Variants in DLG2 observed in about 807,000 individuals in gnomAD.
DLG2 encodes discs large MAGUK scaffold protein 2.
A neutral mutation model predicts 132.5 loss-of-function variants in DLG2; 45 were observed. The ratio of observed to expected loss-of-function variants is 0.34; its 90% CI spans 0.27 to 0.44. The LOEUF (loss-of-function observed/expected upper bound fraction) is 0.44, where lower values mean the gene tolerates loss of function less well. DLG2 is among the 20% of genes least tolerant of loss of function. The pLI, the probability that DLG2 is intolerant of heterozygous loss-of-function variation, is 1.00. For synonymous variants in DLG2, 424 were observed against 419.6 expected (o/e 1.01, Z -0.13); for missense variants, 1,045 against 1,196.9 (o/e 0.87, Z 1.87).
chr11:85,574,177 A>G (rs949036433), intron 3 of DLG2, among the ~76,000 whole-genome samples: 1 of 152,040 alleles, frequency 6.6e-6, no homozygotes, highest in East Asian at 1.9e-4. Flanking sequence ...TTTAATAAAA[A>G]TTTTTCATAT....
chr11:83,671,051 C>G (rs1292083333), intron 18 of DLG2, among the ~76,000 whole-genome samples: 1 of 151,860 alleles, frequency 6.6e-6, no homozygotes, highest in African/African-American at 2.4e-5. Context: ...TTCAAATAAC[C>G]CTAATTTAAT....
At chr11:85,103,789 C>G (rs917939167) in intron 6 of DLG2, among the ~76,000 whole-genome samples, 4 of 151,922 alleles carry the variant, frequency 2.6e-5, no homozygotes, top group Non-Finnish European at 5.9e-5. Context: ...AGATAACCCA[C>G]AGAACAGGAG....
intron 6 of DLG2, among the ~76,000 whole-genome samples, chr11:84,801,903 C>A (rs1346673635): frequency 6.6e-6 from 1 of 152,068 alleles, no homozygotes; most frequent in Non-Finnish European, 1.5e-5. Flanking sequence ...AAGAATTTCC[C>A]ACGTTCTTTG....
chr11:85,081,245 A>G (rs1475098799), intron 6 of DLG2, among the ~76,000 whole-genome samples: 2 of 152,202 alleles, frequency 1.3e-5, no homozygotes, highest in Non-Finnish European at 2.9e-5. Context: ...ACATGGGAAT[A>G]GTGTGTCCGG....
intron 15 of DLG2, among the ~76,000 whole-genome samples, chr11:83,896,622 A>C (rs1017284543): frequency 6.6e-6 from 1 of 152,230 alleles, no homozygotes; most frequent in Non-Finnish European, 1.5e-5. Flanking sequence ...TATTAAAAAT[A>C]CAGAGGTTAA....
chr11:84,416,845 C>A (rs921295672), intron 7 of DLG2, among the ~76,000 whole-genome samples: 4 of 152,158 alleles, frequency 2.6e-5, no homozygotes, highest in Non-Finnish European at 5.9e-5. Context: ...ACTTCATAAC[C>A]ATTACAGTAA....
intron 7 of DLG2, among the ~76,000 whole-genome samples, chr11:84,479,117 T>C (rs902434839): frequency 1.3e-5 from 2 of 152,068 alleles, no homozygotes; most frequent in Non-Finnish European, 2.9e-5. Flanking sequence ...TTAATAATGA[T>C]GACATATATT....
chr11:83,999,850 T>C (rs1290805619), intron 11 of DLG2, among the ~76,000 whole-genome samples: 2 of 151,808 alleles, frequency 1.3e-5, no homozygotes, highest in Admixed American at 1.3e-4. Context: ...ACACCATAGA[T>C]ACATCTTCAG....
intron 4 of DLG2, among the ~76,000 whole-genome samples, chr11:85,208,324 G>A (rs1449272144): frequency 6.6e-6 from 1 of 152,012 alleles, no homozygotes; most frequent in Admixed American, 6.5e-5. Context: ...AGGATAGCAT[G>A]TCCTCATGAG....
rs555955567 is a variant in DLG2 at position 84,558,043 on chromosome 11, C to T, written c.358-23312G>A. Among the ~76,000 whole-genome samples the T allele has an allele frequency of 3.0e-3, 453 of 152,100 alleles. 1 individual carries two copies. Among genetic ancestry groups the T allele is most frequent in the African/African-American group, 9.5e-3 (395 of 41,496 alleles). ...ATATATCAGATTTGGAAAATCTCAT[C>T]GACAGGATTTATAGATACATTATAT... is the stretch of plus-strand genomic sequence containing the variant. On this transcript the variant is annotated intron_variant, in intron 6 of 27. Transcript: ENST00000376104.
At chr11:83,590,403 C>T (rs11533266) in intron 19 of DLG2, among the ~76,000 whole-genome samples, 6,679 of 152,086 alleles carry the variant, frequency 0.044, 179 homozygotes, top group South Asian at 0.12. Flanking sequence ...GGATACATAA[C>T]GAAATGAAGG....
intron 11 of DLG2, among the ~76,000 whole-genome samples, chr11:84,006,137 T>C (rs776002250): frequency 6.6e-6 from 1 of 151,818 alleles, no homozygotes; most frequent in South Asian, 2.1e-4. Context: ...AACAGAATAT[T>C]ATTTGGCTGT....
chr11:84,065,007 G>C (rs913148402), intron 10 of DLG2, among the ~76,000 whole-genome samples: 2 of 152,126 alleles, frequency 1.3e-5, no homozygotes, highest in Non-Finnish European at 2.9e-5. Context: ...GAGATAACTG[G>C]ACAGTCATAT....
intron 8 of DLG2, among the ~76,000 whole-genome samples, chr11:84,205,693 T>A (rs115066972): frequency 1.4e-4 from 21 of 152,238 alleles, no homozygotes; most frequent in African/African-American, 4.8e-4. Context: ...TGGACTCAGC[T>A]AAAGTGGTGC....
At chr11:85,463,410 G>T (rs1392203539) in intron 3 of DLG2, among the ~76,000 whole-genome samples, 1 of 152,124 alleles carries the variant, frequency 6.6e-6, no homozygotes, top group African/African-American at 2.4e-5. Flanking sequence ...ATTCACAATA[G>T]GTTAGTACAC....
intron 3 of DLG2, among the ~76,000 whole-genome samples, chr11:85,429,025 T>C (rs2090981153): frequency 6.6e-6 from 1 of 152,100 alleles, no homozygotes; most frequent in East Asian, 1.9e-4. Context: ...CTAGAAAATC[T>C]AGAAGAAATG....
intron 6 of DLG2, among the ~76,000 whole-genome samples, chr11:84,711,388 GATCT>G (rs2060428683): frequency 1.1e-5 from 1 of 92,314 alleles, no homozygotes; most frequent in African/African-American, 5.7e-5. Context: ...GAGATCGATC[GATCT>G]AGCTATCCTC....
intron 3 of DLG2, among the ~76,000 whole-genome samples, chr11:85,496,958 A>G (rs1334542153): frequency 6.6e-6 from 1 of 152,182 alleles, no homozygotes; most frequent in African/African-American, 2.4e-5. Flanking sequence ...AGATAAAACC[A>G]CAAAGACGGG....
chr11:84,599,522 T>G (rs887054023), intron 6 of DLG2, among the ~76,000 whole-genome samples: 6 of 152,290 alleles, frequency 3.9e-5, no homozygotes, highest in African/African-American at 1.4e-4. Flanking sequence ...CTCTTTCTAT[T>G]TTAAATGCTT....
Sources: allele counts gnomAD v4.1 joint callset (sites outside exome capture counted in the v4.1 genomes callset), GRCh38; gene constraint gnomAD v4.1.1; transcripts MANE v1.5; gene names NCBI Gene and HGNC (gene_info 2026-07-23, HGNC 2026-07-21).